NEXMIF: variants seen among roughly 807,000 people sequenced by gnomAD.
The protein encoded by NEXMIF is neurite extension and migration factor.
In NEXMIF, 8 loss-of-function variants were observed where a neutral mutation model predicts 62.1. The observed-to-expected ratio is 0.13, with a 90% confidence interval of 0.08 to 0.23. NEXMIF has a LOEUF of 0.23. NEXMIF is among the 10% of genes least tolerant of loss of function. The pLI is 1.00. For synonymous variants in NEXMIF, 404 were observed against 416.6 expected (o/e 0.97, Z 0.37); for missense variants, 976 against 1,113.3 (o/e 0.88, Z 1.75).
intron 1 of NEXMIF, among the ~76,000 whole-genome samples, chrX:74,837,921 G>A (rs2080462449): frequency 9.0e-6 from 1 of 111,701 alleles, no homozygotes; most frequent in Non-Finnish European, 1.9e-5. Context: ...GCAGTTTCCT[G>A]TCTATAAATA....
At chrX:74,821,942 G>A (rs2080398292) in intron 1 of NEXMIF, among the ~76,000 whole-genome samples, 1 of 111,356 alleles carries the variant, frequency 9.0e-6, no homozygotes, top group African/African-American at 3.3e-5. Flanking sequence ...GTAGAGACGA[G>A]GTTTTGCCAC....
intron 1 of NEXMIF, among the ~76,000 whole-genome samples, chrX:74,774,734 G>C (rs1291505638): frequency 9.0e-6 from 1 of 111,000 alleles, no homozygotes; most frequent in East Asian, 2.8e-4. Flanking sequence ...GGATCACTAG[G>C]GTCCAAAGGA....
chrX:74,787,170 C>T (rs1291724075), intron 1 of NEXMIF, among the ~76,000 whole-genome samples: 1 of 106,546 alleles, frequency 9.4e-6, no homozygotes, highest in Non-Finnish European at 1.9e-5. Context: ...GTAGTCCCAG[C>T]TACTCGGGAG....
chrX:74,886,500 C>G (rs1240989418), intron 1 of NEXMIF, among the ~76,000 whole-genome samples: 1 of 111,367 alleles, frequency 9.0e-6, no homozygotes, highest in African/African-American at 3.3e-5. Flanking sequence ...TCTTATACAC[C>G]AAAAACAGAC....
At chrX:74,845,863 A>C (rs955061825) in intron 1 of NEXMIF, among the ~76,000 whole-genome samples, 1 of 111,288 alleles carries the variant, frequency 9.0e-6, no homozygotes, top group Non-Finnish European at 1.9e-5. Flanking sequence ...ATTTCCAATT[A>C]TCAGCTCCTG....
chrX:74,899,305 T>G (rs2080741875), intron 1 of NEXMIF, among the ~76,000 whole-genome samples: 1 of 111,579 alleles, frequency 9.0e-6, no homozygotes, highest in Non-Finnish European at 1.9e-5. Context: ...GCTGATGACA[T>G]GATCTTATAT....
At chrX:74,911,074 A>G (rs1247743954) in intron 1 of NEXMIF, among the ~76,000 whole-genome samples, 2 of 111,964 alleles carry the variant, frequency 1.8e-5, no homozygotes, top group East Asian at 2.8e-4. Context: ...GATTTGTATA[A>G]GAGTATCCTG....
At chrX:74,861,052 T>C (rs184364913) in intron 1 of NEXMIF, among the ~76,000 whole-genome samples, 2 of 111,408 alleles carry the variant, frequency 1.8e-5, no homozygotes, top group Non-Finnish European at 3.8e-5. Flanking sequence ...AAATCGGAGC[T>C]AAAAAAGGAT....
chrX:74,874,472 G>A (rs2080620025), intron 1 of NEXMIF, among the ~76,000 whole-genome samples: 1 of 111,006 alleles, frequency 9.0e-6, no homozygotes, highest in African/African-American at 3.3e-5. Flanking sequence ...ACTTGGTGAT[G>A]TGGGCTCTTT....
intron 1 of NEXMIF, among the ~76,000 whole-genome samples, chrX:74,755,218 G>A (rs187202749): frequency 3.6e-5 from 4 of 112,123 alleles, no homozygotes; most frequent in Admixed American, 2.8e-4. Flanking sequence ...TGGAAGGCTG[G>A]GACTGTCACA....
intron 1 of NEXMIF, among the ~76,000 whole-genome samples, chrX:74,809,416 C>T (rs1157031232): frequency 8.9e-6 from 1 of 111,873 alleles, no homozygotes; most frequent in African/African-American, 3.3e-5. Context: ...CCTGGCTGAT[C>T]CTGCACTCAT....
At chrX:74,875,991 T>G (rs2080630679) in intron 1 of NEXMIF, among the ~76,000 whole-genome samples, 1 of 111,670 alleles carries the variant, frequency 9.0e-6, no homozygotes, top group Admixed American at 9.5e-5. Flanking sequence ...TGTCTCTATT[T>G]CCTTCAGTTC....
At chrX:74,754,308 T>A (rs1186771842) in intron 1 of NEXMIF, among the ~76,000 whole-genome samples, 3 of 104,202 alleles carry the variant, frequency 2.9e-5, no homozygotes, top group South Asian at 4.1e-4. Flanking sequence ...ATTTTTATTT[T>A]TTTATTTTTT....
intron 1 of NEXMIF, among the ~76,000 whole-genome samples, chrX:74,878,114 G>C (rs1220918163): frequency 1.8e-5 from 2 of 111,236 alleles, no homozygotes; most frequent in East Asian, 2.8e-4. Context: ...CCCCATCTTT[G>C]TGGTTTTATC....
intron 1 of NEXMIF, among the ~76,000 whole-genome samples, chrX:74,776,382 AC>A (rs1472205599): frequency 9.0e-6 from 1 of 111,472 alleles, no homozygotes; most frequent in East Asian, 2.8e-4. Flanking sequence ...AATGAGTTAA[AC>A]TGGAGTCACA....
intron 1 of NEXMIF, among the ~76,000 whole-genome samples, chrX:74,786,732 T>C (rs776159515): frequency 1.8e-5 from 2 of 111,328 alleles, no homozygotes; most frequent in East Asian, 5.7e-4. Flanking sequence ...AAGGCACATA[T>C]TGACTAAATG....
chrX:74,740,115 G>C lies in NEXMIF; in HGVS notation c.4442C>G (p.Ser1481Cys). The change falls in exon 3 of 4, where the codon TCT becomes TGT. Residue 1481 changes from serine (S) to cysteine (C), a missense_variant. Ser to Cys is a moderately radical substitution (Grantham distance 112). Around this residue, in one of 5 missense-constraint regions of NEXMIF, gnomAD observed 137 missense variants for 128.9 expected, o/e 1.06. Coordinates refer to ENST00000055682, the MANE Select transcript of NEXMIF (RefSeq NM_001008537.3). ...QVHKDESGTA[S>C]FEKLRDSDYN... ...GCAGTATTACCTCAGTTTTTCAAAAGAAGCTGTCCCAGACTCATCCTTGTG... is the reference window on the plus strand; with the variant it reads ...GCAGTATTACCTCAGTTTTTCAAAACAAGCTGTCCCAGACTCATCCTTGTG... The C allele has an allele frequency of 8.3e-7, 1 of 1,209,437 alleles. No individual in the cohort carries two copies. The highest frequency in any genetic ancestry group is 1.1e-6 in the Non-Finnish European group (1 of 894,242).
chrX:74,751,988 G>A (rs2080145732), intron 1 of NEXMIF, among the ~76,000 whole-genome samples: 1 of 110,450 alleles, frequency 9.1e-6, no homozygotes, highest in Admixed American at 9.7e-5. Context: ...TGTATTTTTA[G>A]TAGAGGCGGG....
intron 1 of NEXMIF, among the ~76,000 whole-genome samples, chrX:74,883,063 C>A (rs781599968): frequency 8.9e-6 from 1 of 111,943 alleles, no homozygotes; most frequent in African/African-American, 3.2e-5. Context: ...CAGCAAACTC[C>A]AACAGACCTG....
Sources: gnomAD v4.1 joint callset for allele counts (sites outside exome capture counted in the v4.1 genomes callset) on GRCh38, gnomAD v4.1.1 for gene constraint, gnomAD v4.1.1 regional missense constraint, MANE v1.5 for transcripts, NCBI Gene and HGNC (gene_info 2026-07-23, HGNC 2026-07-21) for gene names.